Variants in IQSEC1 observed in about 807,000 individuals in gnomAD.
IQSEC1 encodes the protein IQ motif and Sec7 domain ArfGEF 1.
IQSEC1 carries 31 observed loss-of-function variants against 91.0 expected under a neutral mutation model. The ratio of observed to expected loss-of-function variants is 0.34; its 90% CI spans 0.26 to 0.46. The LOEUF (loss-of-function observed/expected upper bound fraction) is 0.46. Ranked by LOEUF, IQSEC1 falls within the 20% of genes least tolerant of loss-of-function variation. IQSEC1 has a pLI of 1.00. For synonymous variants in IQSEC1, 699 were observed against 662.6 expected (o/e 1.05, Z -0.84); for missense variants, 1,388 against 1,575.6 (o/e 0.88, Z 2.02).
chr3:12,909,443 G>C lies in IQSEC1; in HGVS notation c.2417-9C>G, dbSNP rs369227333. On this transcript the variant is annotated splice_polypyrimidine_tract_variant and intron_variant, in intron 10 of 13. Coordinates refer to ENST00000613206, the MANE Select transcript of IQSEC1 (RefSeq NM_001134382.3). This position sits in a 1 kb window ranked among gnomAD's most constrained non-coding sequence, Gnocchi z 4.9. Reference sequence around the variant, plus strand: ...GATGCCATTGGGGTAGTCTGCAAAAGGGAAGGAGAGGGGAGGAGGCCCACG... The same window carrying C: ...GATGCCATTGGGGTAGTCTGCAAAACGGAAGGAGAGGGGAGGAGGCCCACG... 13 of 1,612,068 alleles carry C rather than the reference G, an allele frequency of 8.1e-6. No homozygotes were observed. Among genetic ancestry groups the C allele is most frequent in the African/African-American group, 2.7e-5 (2 of 74,908 alleles).
At chr3:13,028,531 C>A (rs1703717731) in intron 1 of IQSEC1, among the ~76,000 whole-genome samples, 8 of 152,208 alleles carry the variant, frequency 5.3e-5, no homozygotes, top group Admixed American at 4.6e-4. Context: ...GTGACCCCAA[C>A]CGGGGTCAGG....
At chr3:13,139,783 G>A (rs1209044810) in intron 2 of IQSEC1, among the ~76,000 whole-genome samples, 1 of 152,164 alleles carries the variant, frequency 6.6e-6, no homozygotes, top group African/African-American at 2.4e-5. Context: ...TGCTTCTCCT[G>A]GAAACAAAGC....
At chr3:13,203,818 C>T (rs1694289800) in intron 1 of IQSEC1, among the ~76,000 whole-genome samples, 2 of 152,242 alleles carry the variant, frequency 1.3e-5, no homozygotes, top group Admixed American at 1.3e-4. Context: ...TCCCTCCCTG[C>T]TTCCTCTCAT....
intron 1 of IQSEC1, among the ~76,000 whole-genome samples, chr3:13,273,006 C>T (rs893650358): frequency 1.3e-5 from 2 of 152,140 alleles, no homozygotes; most frequent in African/African-American, 4.8e-5. Flanking sequence ...AAAGAAGAAA[C>T]AATAATGATA....
At chr3:13,177,238 T>G (rs918020178) in intron 1 of IQSEC1, among the ~76,000 whole-genome samples, 1 of 152,224 alleles carries the variant, frequency 6.6e-6, no homozygotes, top group African/African-American at 2.4e-5. Context: ...AACAACAAAA[T>G]GGACCAGTGG....
intron 1 of IQSEC1, among the ~76,000 whole-genome samples, chr3:13,275,975 A>C (rs1371032737): frequency 6.6e-6 from 1 of 152,112 alleles, no homozygotes; most frequent in Non-Finnish European, 1.5e-5. Context: ...TTCATTGCAG[A>C]ATCCAGGGGG....
intron 1 of IQSEC1, among the ~76,000 whole-genome samples, chr3:12,985,187 C>A (rs1370876637): frequency 1.3e-5 from 2 of 152,218 alleles, no homozygotes; most frequent in Non-Finnish European, 2.9e-5. Context: ...ACATCACAGG[C>A]TTTAGCCCAA....
intron 2 of IQSEC1, among the ~76,000 whole-genome samples, chr3:13,135,970 C>G (rs368792580): frequency 6.6e-6 from 1 of 152,188 alleles, no homozygotes; most frequent in South Asian, 2.1e-4. Flanking sequence ...GACCCTCGTG[C>G]GGGACTCTGC....
intron 1 of IQSEC1, among the ~76,000 whole-genome samples, chr3:12,986,229 G>C (rs1162974732): frequency 6.6e-6 from 1 of 152,196 alleles, no homozygotes; most frequent in Non-Finnish European, 1.5e-5. Context: ...TGGGAGCTGG[G>C]CTGGGACCTG....
chr3:13,033,716 G>A (rs899513891), intron 1 of IQSEC1, among the ~76,000 whole-genome samples: 9 of 152,028 alleles, frequency 5.9e-5, no homozygotes, highest in East Asian at 1.9e-4. Flanking sequence ...AAATACCAAC[G>A]TCCCAGCCTG....
chr3:13,022,667 T>G (rs360850), intron 1 of IQSEC1: 2 of 157,480 alleles, frequency 1.3e-5, no homozygotes, highest in African/African-American at 4.8e-5. Context: ...ACTCCCGCCC[T>G]GCAGCCCAAA....
chr3:12,976,853 C>T (rs764428838), intron 1 of IQSEC1, among the ~76,000 whole-genome samples: 1 of 152,188 alleles, frequency 6.6e-6, no homozygotes, highest in Non-Finnish European at 1.5e-5. Context: ...TAAGGTAGGT[C>T]TCCTTCCCTC....
At chr3:13,171,334 A>T (rs1335928876) in intron 1 of IQSEC1, among the ~76,000 whole-genome samples, 1 of 152,070 alleles carries the variant, frequency 6.6e-6, no homozygotes, top group Admixed American at 6.5e-5. Context: ...GCTGTAATTG[A>T]CTCACCTCCA....
In IQSEC1 at chr3:12,940,534, T is replaced by C. The variant is rs1164926143; in HGVS notation, c.318+1037A>G. Among the ~76,000 whole-genome samples, 3 of 150,158 alleles carry C rather than the reference T, an allele frequency of 2.0e-5. No individual in the cohort carries two copies. Among genetic ancestry groups the C allele is most frequent in the Non-Finnish European group, 4.4e-5 (3 of 67,502 alleles). ...GGCCAGGGGCTTCTGCAGCATGGAG[T>C]CTGGGAAGACGGGAAAGGGCCCTGG... On this transcript the variant is annotated intron_variant, in intron 2 of 13. Coordinates refer to ENST00000613206, the MANE Select transcript of IQSEC1 (RefSeq NM_001134382.3). The surrounding 1 kb of genome is among the most constrained non-coding windows in gnomAD (Gnocchi z 4.4).
At chr3:13,265,877 C>T (rs1435995621) in intron 1 of IQSEC1, among the ~76,000 whole-genome samples, 1 of 142,460 alleles carries the variant, frequency 7.0e-6, no homozygotes, top group African/African-American at 2.7e-5. Context: ...CTTTATTCTG[C>T]TCTACGGGCA....
chr3:12,922,208 C>T lies in IQSEC1; in HGVS notation c.1765G>A (p.Glu589Lys). 6.2e-7 allele frequency: 1 copy of T among 1,607,310 alleles called. No individual in the cohort carries two copies. The highest frequency in any genetic ancestry group is 1.1e-5 in the South Asian group (1 of 90,712). The change falls in exon 5 of 14, where the codon GAG (glutamate) becomes AAG (lysine). Residue 589 changes from glutamate to lysine, a missense_variant. Coordinates refer to ENST00000613206, the MANE Select transcript of IQSEC1 (RefSeq NM_001134382.3). This position sits in a 1 kb window ranked among gnomAD's most constrained non-coding sequence, Gnocchi z 5.1. ...AATTTCCTGAGGGCCTCATCCAGCTCCATGGTAGAGAAGTCCATCTCGTCC... is the reference window on the plus strand; with the variant it reads ...AATTTCCTGAGGGCCTCATCCAGCTTCATGGTAGAGAAGTCCATCTCGTCC... ...VVDEMDFSTM[E>K]LDEALRKFQA...
Position 12,915,728 on chromosome 3 carries a change from C to CCA in IQSEC1, c.2024_2025dup (p.Asp676TrpfsTer12). The CCA allele has an allele frequency of 6.2e-7, 1 of 1,614,064 alleles. No homozygotes were observed. The highest frequency in any genetic ancestry group is 8.5e-7 in the Non-Finnish European group (1 of 1,179,938). ...TCACGGGGAATGTCCTCACCATCGTCCACACCTGGGTAGGGGATGCAGCTG... is the reference window on the plus strand; with the variant it reads ...TCACGGGGAATGTCCTCACCATCGTCCACACACCTGGGTAGGGGATGCAGCTG... On this transcript the variant is annotated frameshift_variant, in exon 7 of 14. Coordinates refer to ENST00000613206, the MANE Select transcript of IQSEC1 (RefSeq NM_001134382.3). LOFTEE classifies it high-confidence loss of function.
rs115950413 is a variant in IQSEC1 at position 12,937,302 on chromosome 3, C to T, written c.319-605G>A. Among the ~76,000 whole-genome samples, 1,375 of 152,342 alleles carry T rather than the reference C, an allele frequency of 9.0e-3. 20 individuals are homozygous for T. Among genetic ancestry groups the T allele is most frequent in the African/African-American group, 0.032 (1,319 of 41,582 alleles). On this transcript the variant is annotated intron_variant, in intron 2 of 13. Transcript: ENST00000613206. ...CCAGTGTCTTGGGTCACAGAAGCCC[C>T]TGGCCCTGGTGCATCTTGAGGTATG...
rs979333980 is a variant in IQSEC1 at position 12,908,251 on chromosome 3, C to T, written c.2755+98G>A. ...GGGAAATGCCGCACTGGCTTCGCCG[C>T]AGGCCCTGCCCCGCGTGATGCATGC... On this transcript the variant is annotated intron_variant, in intron 12 of 13. Transcript: ENST00000613206. The surrounding 1 kb of genome is among the most constrained non-coding windows in gnomAD (Gnocchi z 4.9). 9 of 1,316,840 alleles carry T rather than the reference C, an allele frequency of 6.8e-6. No homozygotes were observed. Among genetic ancestry groups the T allele is most frequent in the Non-Finnish European group, 8.4e-6 (8 of 955,906 alleles). 81.6% of individuals were successfully genotyped at this position (1,316,840 alleles called of 1,614,324 possible).
Sources: gnomAD v4.1 joint callset for allele counts (sites outside exome capture counted in the v4.1 genomes callset) on GRCh38, gnomAD v4.1.1 for gene constraint, Gnocchi (gnomAD v3.1) non-coding constraint, MANE v1.5 for transcripts, NCBI Gene and HGNC (gene_info 2026-07-23, HGNC 2026-07-21) for gene names.